Variants in THSD7B observed in about 807,000 individuals in gnomAD.
THSD7B encodes thrombospondin type-1 domain-containing protein 7B.
Under a neutral mutation model 213.6 loss-of-function variants are expected in THSD7B, and 138 were observed. The ratio of observed to expected loss-of-function variants is 0.65; its 90% CI spans 0.56 to 0.74. The LOEUF is 0.74. Among genes scored for constraint, THSD7B ranks in the 30% least tolerant of loss-of-function variants. THSD7B has a pLI of 0.00. For missense variants in THSD7B, 1,931 were observed against 1,991.5 expected, an observed-to-expected ratio of 0.97 and a Z score of 0.58; for synonymous variants, 742 against 687.0, an observed-to-expected ratio of 1.08 and a Z score of -1.25.
intron 2 of THSD7B, among the ~76,000 whole-genome samples, chr2:136,912,823 G>A (rs1040875938): frequency 3.3e-5 from 5 of 152,292 alleles, no homozygotes; most frequent in Non-Finnish European, 5.9e-5. Flanking sequence ...GGAACAGTAA[G>A]TCCAATTAAA....
intron 6 of THSD7B, among the ~76,000 whole-genome samples, chr2:137,165,290 C>T (rs962581125): frequency 6.6e-6 from 1 of 152,186 alleles, no homozygotes; most frequent in Non-Finnish European, 1.5e-5. Context: ...AAATGCTCCC[C>T]TAGAGCAGAG....
At chr2:137,262,291 A>T (rs1398520127) in intron 10 of THSD7B, among the ~76,000 whole-genome samples, 1 of 152,164 alleles carries the variant, frequency 6.6e-6, no homozygotes, top group Non-Finnish European at 1.5e-5. Context: ...CTTATATCTT[A>T]GATGACATTT....
chr2:136,994,078 T>TG, intron 2 of THSD7B, among the ~76,000 whole-genome samples: 1 of 152,340 alleles, frequency 6.6e-6, no homozygotes, highest in Middle Eastern at 3.4e-3. Flanking sequence ...ACTCAGCCAT[T>TG]GCCACATCAC....
intron 2 of THSD7B, among the ~76,000 whole-genome samples, chr2:137,045,271 C>T (rs1190428688): frequency 1.3e-5 from 2 of 151,946 alleles, no homozygotes; most frequent in Admixed American, 6.6e-5. Flanking sequence ...ATCTGAATTG[C>T]CAGCATCACT....
intron 6 of THSD7B, among the ~76,000 whole-genome samples, chr2:137,165,697 A>G (rs1237433743): frequency 6.6e-6 from 1 of 152,134 alleles, no homozygotes; most frequent in Non-Finnish European, 1.5e-5. Flanking sequence ...TCTAAAATGC[A>G]GTGATTCCAC....
chr2:137,670,688 A>G (rs1353825902), intron 27 of THSD7B, among the ~76,000 whole-genome samples: 11 of 152,162 alleles, frequency 7.2e-5, no homozygotes, highest in East Asian at 1.9e-4. Flanking sequence ...TTGGGAGGCC[A>G]AGGCGGGCGG....
chr2:136,777,850 A>T lies in THSD7B; in HGVS notation c.-36+12163A>T, dbSNP rs138054781. 5.7e-4 allele frequency among the ~76,000 whole-genome samples: 87 copies of T among 152,330 alleles called. 1 individual carries two copies. The highest frequency in any genetic ancestry group is 2.0e-3 in the African/African-American group (83 of 41,588). On this transcript the variant is annotated intron_variant, in intron 1 of 27. Coordinates refer to ENST00000409968, the MANE Select transcript of THSD7B (RefSeq NM_001316349.2). ...TTAGTAGAAAATATCACAATGCTTT[A>T]TGGAAGAAACCCTGTTAACTCTGCA... is the stretch of plus-strand genomic sequence containing the variant.
intron 14 of THSD7B, among the ~76,000 whole-genome samples, chr2:137,431,387 C>A (rs1439637484): frequency 6.6e-6 from 1 of 152,150 alleles, no homozygotes; most frequent in African/African-American, 2.4e-5. Context: ...CCCTTAAAGA[C>A]AATAGATGAC....
chr2:137,582,623 G>T (rs556761387), intron 17 of THSD7B, among the ~76,000 whole-genome samples: 8 of 151,876 alleles, frequency 5.3e-5, no homozygotes, highest in Non-Finnish European at 1.2e-4. Flanking sequence ...GTTTGCTGAG[G>T]ATGATGGTTT....
In THSD7B at chr2:137,411,809, C is replaced by T. The variant is rs754151775; in HGVS notation, c.2896C>T (p.Arg966Ter). The T allele has an allele frequency of 5.6e-6, 9 of 1,613,974 alleles. No homozygotes were observed. Among genetic ancestry groups the T allele is most frequent in the African/African-American group, 1.3e-5 (1 of 75,036 alleles). ...AGAATGTGGAGAAGGCCTGCGCTTT[C>T]GAGCAGTAGCCTGTTCTGATAAAAA... is the stretch of plus-strand genomic sequence containing the variant. ...SKECGEGLRF[R>*]AVACSDKNGR... The change falls in exon 14 of 28, where the codon CGA (arginine) becomes TGA (stop). Residue 966 changes from arginine (R) to a stop codon, truncating the protein, a stop_gained. Transcript: ENST00000409968. LOFTEE classifies it high-confidence loss of function.
Position 137,317,787 on chromosome 2 carries a change from G to A in THSD7B, c.2500+41761G>A, listed in dbSNP as rs180739493. Among the ~76,000 whole-genome samples the A allele has an allele frequency of 2.2e-3, 333 of 152,118 alleles. 2 individuals are homozygous for A. The highest frequency in any genetic ancestry group is 6.4e-3 in the African/African-American group (264 of 41,496). On this transcript the variant is annotated intron_variant, in intron 12 of 27. Transcript: ENST00000409968. The stretch of plus-strand genomic sequence containing the variant: ...AAAGAAATGAGCTGGGCATGGTGGC[G>A]CACACCTGTAGACCTAGTTACTCAG...
At chr2:136,988,228 A>C (rs530974642) in intron 2 of THSD7B, among the ~76,000 whole-genome samples, 1 of 152,286 alleles carries the variant, frequency 6.6e-6, no homozygotes, top group South Asian at 2.1e-4. Context: ...TATTTTAAGA[A>C]AAGCAAGTGA....
intron 12 of THSD7B, among the ~76,000 whole-genome samples, chr2:137,395,229 C>G (rs1033138046): frequency 6.9e-5 from 10 of 144,496 alleles, no homozygotes; most frequent in Non-Finnish European, 1.4e-4. Flanking sequence ...GAGGGCATCC[C>G]TGTCTTTTGC....
intron 1 of THSD7B, among the ~76,000 whole-genome samples, chr2:136,824,187 G>T (rs566713577): frequency 4.6e-5 from 7 of 152,126 alleles, no homozygotes; most frequent in Non-Finnish European, 1.0e-4. Context: ...CCAATGCTTT[G>T]TCACTTCTCT....
chr2:137,429,907 T>C (rs1261447517), intron 14 of THSD7B, among the ~76,000 whole-genome samples: 1 of 152,162 alleles, frequency 6.6e-6, no homozygotes, highest in East Asian at 1.9e-4. Flanking sequence ...GATTCATGTC[T>C]AACAGAACTC....
chr2:137,667,916 A>G (rs1683482134), intron 27 of THSD7B, 55 bp downstream of exon 27: 1 of 1,417,346 alleles, frequency 7.1e-7, no homozygotes, highest in Non-Finnish European at 9.6e-7. Flanking sequence ...ATTTCATGTT[A>G]TACTTAAAAC....
intron 17 of THSD7B, among the ~76,000 whole-genome samples, chr2:137,588,303 C>A (rs1446469175): frequency 2.0e-5 from 3 of 152,182 alleles, no homozygotes; most frequent in African/African-American, 7.2e-5. Context: ...ATGCCTTACC[C>A]TGCTTTGGCT....
intron 10 of THSD7B, among the ~76,000 whole-genome samples, chr2:137,270,087 A>G (rs1682697606): frequency 6.6e-6 from 1 of 152,228 alleles, no homozygotes; most frequent in Admixed American, 6.5e-5. Flanking sequence ...AATGAAAGAA[A>G]AGTATTTAAT....
intron 1 of THSD7B, among the ~76,000 whole-genome samples, chr2:136,782,778 A>C (rs1439614037): frequency 6.6e-6 from 1 of 152,204 alleles, no homozygotes; most frequent in African/African-American, 2.4e-5. Flanking sequence ...TTAATACAAA[A>C]ATTATAACTA....
Sources: allele counts gnomAD v4.1 joint callset (sites outside exome capture counted in the v4.1 genomes callset), GRCh38; gene constraint gnomAD v4.1.1; transcripts MANE v1.5; gene names NCBI Gene and HGNC (gene_info 2026-07-23, HGNC 2026-07-21).